DIAPH2: variants seen among roughly 807,000 people sequenced by gnomAD.
DIAPH2 encodes diaphanous related formin 2, also known as protein diaphanous homolog 2.
In DIAPH2, 35 loss-of-function variants were observed where a neutral mutation model predicts 92.7. That is an observed-to-expected ratio of 0.38 (90% CI 0.29 to 0.50). The LOEUF (loss-of-function observed/expected upper bound fraction) is 0.50. Ranked by LOEUF, DIAPH2 falls within the 20% of genes least tolerant of loss-of-function variation. DIAPH2 has a pLI of 0.94. For synonymous variants in DIAPH2, 301 were observed against 280.4 expected, an observed-to-expected ratio of 1.07 and a Z score of -0.73; for missense variants, 701 against 819.5, an observed-to-expected ratio of 0.86 and a Z score of 1.77.
chrX:97,093,413 G>A (rs1412405251), intron 19 of DIAPH2, among the ~76,000 whole-genome samples: 1 of 111,125 alleles, frequency 9.0e-6, no homozygotes, highest in Non-Finnish European at 1.9e-5. Flanking sequence ...CCTGGAGTTG[G>A]GGAATTGGGG....
intron 4 of DIAPH2, among the ~76,000 whole-genome samples, chrX:96,876,773 G>C (rs999234193): frequency 6.5e-5 from 7 of 107,406 alleles, no homozygotes; most frequent in African/African-American, 2.4e-4. Context: ...GGTTTGGGGA[G>C]GGGGGAGGGA....
rs1455670008 is a variant in DIAPH2, at chrX:97,157,191, G to GT, written c.2719+15398dup. On this transcript the variant is annotated intron_variant, in intron 22 of 26. Coordinates refer to ENST00000324765, the MANE Select transcript of DIAPH2 (RefSeq NM_006729.5). ...TAGCTGGGCATGGTGACGCATGCCT[G>GT]TAATCCCAGCTACTCGGGAGGTTGA... Among the ~76,000 whole-genome samples, 3 of 110,388 alleles carry GT rather than the reference G, an allele frequency of 2.7e-5. No individual in the cohort carries two copies. In the East Asian group the frequency reaches 8.6e-4, roughly 32 times the overall value.
intron 24 of DIAPH2, among the ~76,000 whole-genome samples, chrX:97,361,467 T>C (rs1236314007): frequency 6.2e-5 from 7 of 112,149 alleles, no homozygotes; most frequent in Non-Finnish European, 1.3e-4. Flanking sequence ...TTGAACGCAC[T>C]AGCATATTTT....
chrX:96,867,753 A>G (rs1182665567), intron 4 of DIAPH2, among the ~76,000 whole-genome samples: 7 of 111,694 alleles, frequency 6.3e-5, no homozygotes, highest in Non-Finnish European at 1.3e-4. Context: ...ACTTTCATAT[A>G]TTTTTTGAAT....
chrX:96,964,336 A>C (rs1244593193), intron 16 of DIAPH2, among the ~76,000 whole-genome samples: 2 of 112,283 alleles, frequency 1.8e-5, no homozygotes, highest in Non-Finnish European at 3.8e-5. Flanking sequence ...TCAAGATTAC[A>C]AAGCTGTTGC....
intron 22 of DIAPH2, among the ~76,000 whole-genome samples, chrX:97,211,205 G>A: frequency 9.0e-6 from 1 of 111,182 alleles, no homozygotes; most frequent in Non-Finnish European, 1.9e-5. Flanking sequence ...ATCTCCCTCA[G>A]CCTCATTTGA....
chrX:97,023,239 G>C (rs1240419189), intron 17 of DIAPH2, among the ~76,000 whole-genome samples: 1 of 111,217 alleles, frequency 9.0e-6, no homozygotes, highest in Non-Finnish European at 1.9e-5. Context: ...TATTAGACTT[G>C]CTATTCTTAT....
intron 17 of DIAPH2, among the ~76,000 whole-genome samples, chrX:96,972,106 C>G (rs566243153): frequency 6.3e-5 from 7 of 111,695 alleles, no homozygotes; most frequent in African/African-American, 2.3e-4. Context: ...TTGCAGCTCA[C>G]TCAGCTGCAT....
chrX:96,949,716 C>T (rs1281486997), intron 15 of DIAPH2, among the ~76,000 whole-genome samples: 5 of 102,926 alleles, frequency 4.9e-5, no homozygotes, highest in African/African-American at 7.1e-5. Context: ...AAAAATTAGC[C>T]GGGAGTGGTG....
At chrX:96,788,094 A>T (rs1009864854) in intron 4 of DIAPH2, among the ~76,000 whole-genome samples, 1 of 111,235 alleles carries the variant, frequency 9.0e-6, no homozygotes. Flanking sequence ...TAATTTTAGA[A>T]CTTAAAGGGA....
At chrX:96,953,016 G>A (rs2065786786) in intron 15 of DIAPH2, among the ~76,000 whole-genome samples, 1 of 109,440 alleles carries the variant, frequency 9.1e-6, no homozygotes. Context: ...TTAGTCAGGA[G>A]ACTGAGATGG....
At chrX:96,697,752 G>A (rs1429535341) in intron 1 of DIAPH2, among the ~76,000 whole-genome samples, 2 of 111,390 alleles carry the variant, frequency 1.8e-5, no homozygotes, top group African/African-American at 6.5e-5. Context: ...CCTCAAGGTA[G>A]CTCTAAATTG....
At chrX:97,139,482 C>T (rs1187733399) in intron 21 of DIAPH2, among the ~76,000 whole-genome samples, 1 of 107,207 alleles carries the variant, frequency 9.3e-6, no homozygotes, top group Admixed American at 1.0e-4. Context: ...TATTGCAATA[C>T]ATTAAGCAGC....
At chrX:96,863,149 T>A (rs1170605370) in intron 4 of DIAPH2, among the ~76,000 whole-genome samples, 1 of 109,919 alleles carries the variant, frequency 9.1e-6, no homozygotes, top group Non-Finnish European at 1.9e-5. Flanking sequence ...CTCTAAGTGG[T>A]TGAGGTTGAA....
chrX:96,975,358 G>T (rs963709239), intron 17 of DIAPH2, among the ~76,000 whole-genome samples: 2 of 111,629 alleles, frequency 1.8e-5, no homozygotes, highest in African/African-American at 6.5e-5. Flanking sequence ...ATTCATCTTT[G>T]CCTTCATAAT....
rs767182286 is a variant in DIAPH2, at chrX:96,735,702, A to G, written c.133-56A>G. The G allele has an allele frequency of 2.7e-5, 17 of 632,131 alleles. No homozygotes were observed. In the African/African-American group the frequency reaches 3.4e-4, roughly 13 times the overall value. 52.1% of individuals were successfully genotyped at this position (632,131 alleles called of 1,213,427 possible). ...ATTAAATTATTTTATTGTTTGATCTATGAGTTTCTCTTATCTGATGGGTTT... is the reference window on the plus strand; with the variant it reads ...ATTAAATTATTTTATTGTTTGATCTGTGAGTTTCTCTTATCTGATGGGTTT... On this transcript the variant is annotated intron_variant, in intron 1 of 26. Coordinates refer to ENST00000324765, the MANE Select transcript of DIAPH2 (RefSeq NM_006729.5).
In DIAPH2 at chrX:96,758,175, G is replaced by A. The variant is rs761120702; in HGVS notation, c.364G>A (p.Glu122Lys). 1 of 1,204,428 alleles carries A rather than the reference G, an allele frequency of 8.3e-7. No homozygotes were observed. The highest frequency in any genetic ancestry group is 1.8e-5 in the South Asian group (1 of 55,236). Residue 122 changes from glutamate to lysine, a missense_variant, in exon 4 of 27, where the codon GAG becomes AAG. Physicochemically the swap from Glu to Lys is moderately conservative, Grantham distance 56. Transcript: ENST00000324765. Reference protein sequence around the residue: ...KMMEDMNLNEEKKAPLRNKDF... With the variant: ...KMMEDMNLNEKKKAPLRNKDF... Reference sequence around the variant, plus strand: ...ACAGGAGGACATGAACCTTAACGAAGAGAAAAAAGCTCCTTTACGAAACAA... The same window carrying A: ...ACAGGAGGACATGAACCTTAACGAAAAGAAAAAAGCTCCTTTACGAAACAA...
chrX:97,498,665 A>G (rs1294879194), intron 26 of DIAPH2, among the ~76,000 whole-genome samples: 1 of 111,474 alleles, frequency 9.0e-6, no homozygotes, highest in African/African-American at 3.3e-5. Context: ...TACTTTTACT[A>G]TATATCATTG....
chrX:97,265,900 G>GAAT (rs1370428431), intron 23 of DIAPH2, among the ~76,000 whole-genome samples: 1 of 111,516 alleles, frequency 9.0e-6, no homozygotes, highest in Non-Finnish European at 1.9e-5. Flanking sequence ...CAGTGTTTAG[G>GAAT]AATAACCCAT....
Sources: gnomAD v4.1 joint callset for allele counts (sites outside exome capture counted in the v4.1 genomes callset) on GRCh38, gnomAD v4.1.1 for gene constraint, MANE v1.5 for transcripts, NCBI Gene and HGNC (gene_info 2026-07-23, HGNC 2026-07-21) for gene names.